The following MCHR2 variants were observed in gnomAD, a reference collection of about 807,000 sequenced individuals.
MCHR2 encodes the protein melanin-concentrating hormone receptor 2.
MCHR2 carries 15 observed loss-of-function variants against 24.8 expected under a neutral mutation model. The ratio of observed to expected loss-of-function variants is 0.60; its 90% CI spans 0.40 to 0.93. The LOEUF (loss-of-function observed/expected upper bound fraction) is 0.93, where lower values mean the gene tolerates loss of function less well. MCHR2 is among the 40% of genes least tolerant of loss of function. The pLI is 0.00. For missense variants in MCHR2, 386 were observed against 408.7 expected (o/e 0.94, Z 0.48); for synonymous variants, 151 against 147.6 (o/e 1.02, Z -0.17).
At chr6:99,981,781 T>C (rs192382687) in intron 1 of MCHR2, among the ~76,000 whole-genome samples, 3 of 152,346 alleles carry the variant, frequency 2.0e-5, no homozygotes, top group Admixed American at 2.0e-4. Context: ...GGAAAGCTCT[T>C]CTTTTCAGAA....
At chr6:99,943,259 C>T (rs1774811644) in intron 3 of MCHR2, 116 bp from the exon 4 acceptor site, 1 of 541,460 alleles carries the variant, frequency 1.8e-6, no homozygotes, top group African/African-American at 1.9e-5. Flanking sequence ...TGAAGCACAC[C>T]TCTATCAGGG....
chr6:99,966,520 T>C (rs1394426341), intron 1 of MCHR2, among the ~76,000 whole-genome samples: 1 of 152,182 alleles, frequency 6.6e-6, no homozygotes, highest in Non-Finnish European at 1.5e-5. Flanking sequence ...TTGTGAACTG[T>C]GGCAGGTAGC....
At chr6:99,988,578 C>T (rs1775808365) in intron 1 of MCHR2, among the ~76,000 whole-genome samples, 1 of 152,138 alleles carries the variant, frequency 6.6e-6, no homozygotes, top group Admixed American at 6.5e-5. Flanking sequence ...AATCTCAATT[C>T]ATCCCCCCAC....
intron 1 of MCHR2, among the ~76,000 whole-genome samples, chr6:99,959,139 C>A (rs1044559808): frequency 6.6e-6 from 1 of 152,014 alleles, no homozygotes; most frequent in African/African-American, 2.4e-5. Context: ...GATGAGACCT[C>A]ATGTACTCTG....
rs1208828922 is a variant in MCHR2 at position 99,920,747 on chromosome 6, C to A, written c.*193G>T. On this transcript the variant is annotated 3_prime_UTR_variant, in exon 6 of 6. Coordinates refer to ENST00000281806, the MANE Select transcript of MCHR2 (RefSeq NM_001040179.2). ...CCCATTCCCTACCCACAATATAGATCAACATTTTACATCTTGCTAAAGTTA... is the reference window on the plus strand; with the variant it reads ...CCCATTCCCTACCCACAATATAGATAAACATTTTACATCTTGCTAAAGTTA... The A allele has an allele frequency of 3.4e-6, 2 of 596,598 alleles. No homozygotes were observed. The highest frequency in any genetic ancestry group is 3.0e-5 in the Admixed American group (1 of 33,406). The allele number at this position is 596,598 out of a possible 1,614,324, so 37.0% of individuals were successfully genotyped here. A position where few individuals can be genotyped will look rare whatever the true frequency, so the allele number is the denominator to read the frequency against.
intron 1 of MCHR2, among the ~76,000 whole-genome samples, chr6:99,978,857 G>T (rs1775611830): frequency 6.6e-6 from 1 of 152,186 alleles, no homozygotes; most frequent in Non-Finnish European, 1.5e-5. Context: ...GTGTGAGATG[G>T]TTAGTGGGCT....
chr6:99,991,822 A>AAAAAAAAAAAAAAAAG (rs1554197611), intron 1 of MCHR2, among the ~76,000 whole-genome samples: 1 of 151,170 alleles, frequency 6.6e-6, no homozygotes, highest in African/African-American at 2.4e-5. Context: ...AAAAAAAAAA[A>AAAAAAAAAAAAAAAAG]AAAAGAAAAG....
intron 1 of MCHR2, among the ~76,000 whole-genome samples, chr6:99,959,551 A>G (rs1196931058): frequency 6.9e-6 from 1 of 145,652 alleles, no homozygotes; most frequent in Non-Finnish European, 1.5e-5. Flanking sequence ...ACAGTTAGAT[A>G]CTAATTACCT....
intron 1 of MCHR2, among the ~76,000 whole-genome samples, chr6:99,958,651 T>G (rs190662422): frequency 6.6e-6 from 1 of 152,146 alleles, no homozygotes; most frequent in African/African-American, 2.4e-5. Flanking sequence ...AACAATTCCC[T>G]TTGTGAGAAA....
intron 2 of MCHR2, among the ~76,000 whole-genome samples, chr6:99,951,679 T>C (rs1206904611): frequency 6.6e-6 from 1 of 152,062 alleles, no homozygotes; most frequent in African/African-American, 2.4e-5. Flanking sequence ...AGAGTCTGTG[T>C]ATGGCTGACA....
intron 5 of MCHR2, among the ~76,000 whole-genome samples, chr6:99,930,387 C>T (rs559019750): frequency 6.6e-6 from 1 of 152,250 alleles, no homozygotes; most frequent in East Asian, 1.9e-4. Context: ...TGTTGGCCTC[C>T]CTCGCTAGAT....
chr6:99,974,523 G>T (rs1775506613), intron 1 of MCHR2, among the ~76,000 whole-genome samples: 1 of 152,134 alleles, frequency 6.6e-6, no homozygotes, highest in African/African-American at 2.4e-5. Flanking sequence ...CTGTAGCTTG[G>T]AGTAGTTTGA....
At chr6:99,980,647 A>C (rs1034259577) in intron 1 of MCHR2, among the ~76,000 whole-genome samples, 1 of 152,138 alleles carries the variant, frequency 6.6e-6, no homozygotes, top group African/African-American at 2.4e-5. Context: ...AATTTTCGAG[A>C]TATAACCTTT....
chr6:99,980,395 T>G (rs900656112), intron 1 of MCHR2, among the ~76,000 whole-genome samples: 40 of 152,204 alleles, frequency 2.6e-4, no homozygotes, highest in Non-Finnish European at 1.9e-4. Flanking sequence ...GCTAATGGCC[T>G]GGTCAGATCC....
intron 1 of MCHR2, among the ~76,000 whole-genome samples, chr6:99,992,125 G>T (rs138947037): frequency 6.6e-6 from 1 of 152,342 alleles, no homozygotes; most frequent in Non-Finnish European, 1.5e-5. Flanking sequence ...GTGTCACTGC[G>T]GAAGGCAGAG....
intron 1 of MCHR2, among the ~76,000 whole-genome samples, 189 bp downstream of exon 1, chr6:99,993,747 A>G (rs1407543030): frequency 1.3e-5 from 2 of 152,004 alleles, no homozygotes; most frequent in Non-Finnish European, 2.9e-5. Flanking sequence ...GTGCCTCCAC[A>G]GAGCCAAACT....
Position 99,918,764 on chromosome 6 carries a change from T to C in MCHR2, c.*2176A>G, listed in dbSNP as rs1388748852. Among the ~76,000 whole-genome samples, 1 of 152,206 alleles carries C rather than the reference T, an allele frequency of 6.6e-6. No homozygotes were observed. The highest frequency in any genetic ancestry group is 2.4e-5 in the African/African-American group (1 of 41,464). ...AATATGCTTATGCATAGAAACGCTATATAAAGGGACAAAAATAAATTTATT... is the reference window on the plus strand; with the variant it reads ...AATATGCTTATGCATAGAAACGCTACATAAAGGGACAAAAATAAATTTATT... On this transcript the variant is annotated 3_prime_UTR_variant, in exon 6 of 6. Transcript: ENST00000281806.
chr6:99,969,286 C>T lies in MCHR2; in HGVS notation c.-27-13112G>A, dbSNP rs184884514. The stretch of plus-strand genomic sequence containing the variant: ...GTTAGGAGTTCAAGACCAGCCTGGC[C>T]AACATGGTGAAACCCTCTCTCTACT... On this transcript the variant is annotated intron_variant, in intron 1 of 5. Coordinates refer to ENST00000281806, the MANE Select transcript of MCHR2 (RefSeq NM_001040179.2). 5.6e-4 allele frequency among the ~76,000 whole-genome samples: 85 copies of T among 151,762 alleles called. 1 individual carries two copies. The East Asian group carries it at 0.015, about 27-fold the overall frequency.
Position 99,919,183 on chromosome 6 carries a change from C to A in MCHR2, c.*1757G>T, listed in dbSNP as rs2114475615. Among the ~76,000 whole-genome samples the A allele has an allele frequency of 6.6e-6, 1 of 151,054 alleles. No homozygotes were observed. The highest frequency in any genetic ancestry group is 6.6e-5 in the Admixed American group (1 of 15,170). On this transcript the variant is annotated 3_prime_UTR_variant, in exon 6 of 6. Transcript: ENST00000281806. ...CCAGCTGCATATGTAGGTCTCTAGA[C>A]CTCAGCTATGGAAATAAAATGTTTC...
Sources: gnomAD v4.1 joint callset for allele counts (sites outside exome capture counted in the v4.1 genomes callset) on GRCh38, gnomAD v4.1.1 for gene constraint, MANE v1.5 for transcripts, NCBI Gene and HGNC (gene_info 2026-07-23, HGNC 2026-07-21) for gene names.